The following LRRC20 variants were observed in gnomAD, a reference collection of about 807,000 sequenced individuals.
LRRC20 encodes the protein leucine rich repeat containing 20.
Under a neutral mutation model 14.4 loss-of-function variants are expected in LRRC20, and 11 were observed. The observed-to-expected ratio is 0.77, with a 90% CI of 0.48 to 1.27. LRRC20 has a LOEUF of 1.27. Among genes scored for constraint, LRRC20 ranks in the 50% most tolerant of loss-of-function variants. The pLI, the probability that LRRC20 is intolerant of heterozygous loss-of-function variation, is 0.00. For synonymous variants in LRRC20, 121 were observed against 107.3 expected, an observed-to-expected ratio of 1.13 and a Z score of -0.79; for missense variants, 219 against 251.2, an observed-to-expected ratio of 0.87 and a Z score of 0.87.
In LRRC20 at chr10:70,301,527, AC is replaced by A. The variant is rs773945675; in HGVS notation, c.401-20del. On this transcript the variant is annotated intron_variant, in intron 4 of 4. Coordinates refer to ENST00000446961, the MANE Select transcript of LRRC20 (RefSeq NM_001278212.2). The stretch of plus-strand genomic sequence containing the variant: ...GGCACATCTATTGGGGACAGAATGG[AC>A]AGGTTAGAGTGGTGGAGGCCAACCA... 24 of 1,613,260 alleles carry A rather than the reference AC, an allele frequency of 1.5e-5. No homozygotes were observed. In the Middle Eastern group the frequency reaches 5.0e-4, roughly 33 times the overall value.
chr10:70,301,325 C>T lies in LRRC20; in HGVS notation c.*29G>A, dbSNP rs1366326584. The T allele has an allele frequency of 2.5e-6, 4 of 1,603,546 alleles. No individual in the cohort carries two copies. Among genetic ancestry groups the T allele is most frequent in the Non-Finnish European group, 2.6e-6 (3 of 1,175,944 alleles). ...GGGTTCCAGGCCTGTGGCCTCTGCC[C>T]CTTGCTGGGTGGGCATGAGGAGGGT... On this transcript the variant is annotated 3_prime_UTR_variant, in exon 5 of 5. Transcript: ENST00000446961.
At chr10:70,316,489 A>G (rs1001434850) in intron 4 of LRRC20, among the ~76,000 whole-genome samples, 1 of 152,250 alleles carries the variant, frequency 6.6e-6, no homozygotes, top group African/African-American at 2.4e-5. Flanking sequence ...CCTGTGTGCT[A>G]CCAGCAGAGC....
chr10:70,340,586 T>A lies in LRRC20; in HGVS notation c.199A>T (p.Ser67Cys). 1.2e-6 allele frequency: 2 copies of A among 1,614,208 alleles called. No individual in the cohort carries two copies. Among genetic ancestry groups the A allele is most frequent in the Non-Finnish European group, 1.7e-6 (2 of 1,180,040 alleles). The part of the protein sequence containing the change: ...LANNELKSLT[S>C]KFMTTFSQLR... ...TGACTGAATGTGGTCATGAACTTGC[T>A]GGTGAGGGACTTAAGCTCGTTGTTA... The change falls in exon 3 of 5, where the codon AGC (serine) becomes TGC (cysteine). Residue 67 changes from serine (S) to cysteine (C), a missense_variant. Physicochemically the swap from Ser to Cys is moderately radical, Grantham distance 112. Transcript: ENST00000446961.
chr10:70,348,425 T>C (rs763876416), intron 2 of LRRC20, among the ~76,000 whole-genome samples: 2 of 152,246 alleles, frequency 1.3e-5, no homozygotes, highest in African/African-American at 2.4e-5. Context: ...ATATGCTGTA[T>C]GCCACACACG....
At chr10:70,374,390 C>A (rs10762373) in intron 2 of LRRC20, among the ~76,000 whole-genome samples, 144,173 of 148,640 alleles carry the variant, frequency 0.97, 70,066 homozygotes, top group Non-Finnish European at 1. Context: ...TGCTCCATCA[C>A]CCAAGCTGGA....
At chr10:70,324,055 G>A (rs373120879) in intron 3 of LRRC20, 25 bp from the exon 4 acceptor site, 26 of 1,611,608 alleles carry the variant, frequency 1.6e-5, no homozygotes, top group Non-Finnish European at 2.2e-5. Context: ...GAAGGAGAGA[G>A]AACAGGATGA....
intron 1 of LRRC20, among the ~76,000 whole-genome samples, chr10:70,380,940 G>A (rs1366366319): frequency 6.6e-6 from 1 of 152,228 alleles, no homozygotes; most frequent in South Asian, 2.1e-4. Flanking sequence ...GGGGCATGAA[G>A]GCACATGGCA....
intron 4 of LRRC20, among the ~76,000 whole-genome samples, chr10:70,311,222 A>ATTTTTTTTTTTTTTTTGTTTTT (rs1841648712): frequency 1.2e-5 from 1 of 86,346 alleles, no homozygotes; most frequent in Non-Finnish European, 2.2e-5. Context: ...TCAACATTCC[A>ATTTTTTTTTTTTTTTTGTTTTT]TTTTTTTTTT....
intron 2 of LRRC20, among the ~76,000 whole-genome samples, chr10:70,341,678 G>A (rs1842918684): frequency 6.6e-6 from 1 of 152,182 alleles, no homozygotes. Context: ...TGAGGCACGA[G>A]AATCACTTGA....
At position 70,300,489 on chromosome 10, in the gene LRRC20, G is replaced by GGCT; in HGVS notation, c.*862_*864dup. ...CCAGGAGGCCATGACAAGGCAGCCA[G>GGCT]GCTGCTGCTGGACTGGACAGTGGTG... On this transcript the variant is annotated 3_prime_UTR_variant, in exon 5 of 5. Coordinates refer to ENST00000446961, the MANE Select transcript of LRRC20 (RefSeq NM_001278212.2). 1.0e-6 allele frequency: 1 copy of GGCT among 985,596 alleles called. No individual in the cohort carries two copies. The highest frequency in any genetic ancestry group is 1.2e-6 in the Non-Finnish European group (1 of 830,052). The allele number at this position is 985,596 out of a possible 1,614,324, so 61.1% of individuals were successfully genotyped here. A position where few individuals can be genotyped will look rare whatever the true frequency, so the allele number is the denominator to read the frequency against.
In LRRC20 at chr10:70,335,395, C is replaced by T. The variant is rs572007859; in HGVS notation, c.232+5158G>A. On this transcript the variant is annotated intron_variant, in intron 3 of 4. Transcript: ENST00000446961. The stretch of plus-strand genomic sequence containing the variant: ...CAACCCACCTCCCAGTCCGCCCGCC[C>T]GCGCCCACACACAGCTGCTCCCGAC... 2.0e-5 allele frequency among the ~76,000 whole-genome samples: 3 copies of T among 152,280 alleles called. No homozygotes were observed. The East Asian group carries it at 5.8e-4, about 29-fold the overall frequency.
intron 4 of LRRC20, among the ~76,000 whole-genome samples, chr10:70,308,480 T>A (rs1387624771): frequency 6.6e-6 from 1 of 152,058 alleles, no homozygotes; most frequent in African/African-American, 2.4e-5. Flanking sequence ...GCCTCTCAGT[T>A]CCCTGAAGGC....
chr10:70,345,759 AAAAG>A (rs774138267), intron 2 of LRRC20, among the ~76,000 whole-genome samples: 9 of 152,234 alleles, frequency 5.9e-5, no homozygotes, highest in Admixed American at 1.3e-4. Context: ...CATTAAAAAG[AAAAG>A]AAAGCCTTGC....
intron 3 of LRRC20, among the ~76,000 whole-genome samples, chr10:70,327,160 G>A (rs1016461962): frequency 6.6e-6 from 1 of 152,190 alleles, no homozygotes; most frequent in Non-Finnish European, 1.5e-5. Context: ...GGGCTGTGAT[G>A]GTTAATTTTA....
chr10:70,362,993 G>A (rs946255619), intron 2 of LRRC20, among the ~76,000 whole-genome samples: 1 of 151,972 alleles, frequency 6.6e-6, no homozygotes, highest in Non-Finnish European at 1.5e-5. Flanking sequence ...CCAGTGCAGT[G>A]GTTCAAACCT....
chr10:70,316,117 T>C (rs1489694911), intron 4 of LRRC20, among the ~76,000 whole-genome samples: 1 of 152,174 alleles, frequency 6.6e-6, no homozygotes, highest in Non-Finnish European at 1.5e-5. Context: ...TTGCGTTTTA[T>C]TTTTTAATTT....
intron 2 of LRRC20, among the ~76,000 whole-genome samples, chr10:70,369,626 A>C (rs909964456): frequency 1.3e-5 from 2 of 151,176 alleles, no homozygotes; most frequent in South Asian, 2.1e-4. Context: ...AAAAAAAAAA[A>C]AAAAAAACCA....
At chr10:70,360,547 C>T (rs1328160696) in intron 2 of LRRC20, among the ~76,000 whole-genome samples, 2 of 152,208 alleles carry the variant, frequency 1.3e-5, no homozygotes, top group Non-Finnish European at 2.9e-5. Context: ...AGTGATCCTC[C>T]TGCTTCAGTT....
At chr10:70,370,156 T>A (rs1332822012) in intron 2 of LRRC20, among the ~76,000 whole-genome samples, 2 of 152,206 alleles carry the variant, frequency 1.3e-5, no homozygotes, top group Non-Finnish European at 2.9e-5. Flanking sequence ...GATTCTGAAA[T>A]CACAGACCTG....
Sources: allele counts gnomAD v4.1 joint callset (sites outside exome capture counted in the v4.1 genomes callset), GRCh38; gene constraint gnomAD v4.1.1; transcripts MANE v1.5; gene names NCBI Gene and HGNC (gene_info 2026-07-23, HGNC 2026-07-21).